The following ASPRV1 variants were observed in gnomAD, a reference collection of about 807,000 sequenced individuals.
The protein encoded by ASPRV1 is retroviral-like aspartic protease 1.
Under a neutral mutation model 11.0 loss-of-function variants are expected in ASPRV1, and 7 were observed. That is an observed-to-expected ratio of 0.64 (90% CI 0.36 to 1.20). The LOEUF (loss-of-function observed/expected upper bound fraction) is 1.20, where lower values mean the gene tolerates loss of function less well. Among genes scored for constraint, ASPRV1 ranks in the 50% most tolerant of loss-of-function variants. ASPRV1 has a pLI of 0.02. For missense variants in ASPRV1, 299 were observed against 320.0 expected (o/e 0.93, Z 0.50); for synonymous variants, 136 against 138.4 (o/e 0.98, Z 0.12).
the ASPRV1 span, among the ~76,000 whole-genome samples, chr2:70,076,597 G>C: frequency 6.6e-6 from 1 of 152,088 alleles, no homozygotes; most frequent in East Asian, 1.9e-4. Context: ...CTCGAATACC[G>C]TAAGTCAAAA....
downstream of ASPRV1, among the ~76,000 whole-genome samples, chr2:69,959,665 C>CA (rs1176649160): frequency 6.6e-6 from 1 of 152,170 alleles, no homozygotes; most frequent in African/African-American, 2.4e-5. Context: ...CACAGGTCAA[C>CA]ACTTGTCTCC....
chr2:70,037,634 A>T, the ASPRV1 span, among the ~76,000 whole-genome samples: 2 of 151,684 alleles, frequency 1.3e-5, no homozygotes, highest in African/African-American at 2.4e-5. Flanking sequence ...TTTTTGTGGT[A>T]TTTTTTTTCC....
the ASPRV1 span, among the ~76,000 whole-genome samples, chr2:70,017,672 A>T: frequency 6.6e-6 from 1 of 152,216 alleles, no homozygotes; most frequent in Non-Finnish European, 1.5e-5. Context: ...ACTGATAAAC[A>T]TATTCAGTAA....
At chr2:69,965,115 T>A (rs1045151588), upstream of ASPRV1, among the ~76,000 whole-genome samples, 12 of 152,214 alleles carry the variant, frequency 7.9e-5, no homozygotes, top group Non-Finnish European at 1.8e-4. Flanking sequence ...TGGCGTGATC[T>A]CGGCTCACTG....
At chr2:69,952,003 T>C in the ASPRV1 span, among the ~76,000 whole-genome samples, 4 of 152,244 alleles carry the variant, frequency 2.6e-5, no homozygotes, top group African/African-American at 9.6e-5. Flanking sequence ...TGCCTTGCTC[T>C]GTTTATAATA....
downstream of ASPRV1, among the ~76,000 whole-genome samples, chr2:69,956,067 T>C (rs1677929518): frequency 6.6e-6 from 1 of 152,122 alleles, no homozygotes; most frequent in South Asian, 2.1e-4. Flanking sequence ...GAACATCTTG[T>C]GCCAGAAAAT....
chr2:70,037,641 T>C, the ASPRV1 span, among the ~76,000 whole-genome samples: 1 of 152,184 alleles, frequency 6.6e-6, no homozygotes, highest in Non-Finnish European at 1.5e-5. Flanking sequence ...GGTATTTTTT[T>C]TCCTATTAAC....
chr2:69,936,231 G>T, the ASPRV1 span, among the ~76,000 whole-genome samples: 19 of 152,234 alleles, frequency 1.2e-4, no homozygotes, highest in African/African-American at 4.3e-4. Context: ...TCCTGTGACA[G>T]GTGGTCCCAT....
At chr2:70,041,712 C>G in the ASPRV1 span, among the ~76,000 whole-genome samples, 1 of 152,128 alleles carries the variant, frequency 6.6e-6, no homozygotes, top group Non-Finnish European at 1.5e-5. Flanking sequence ...TCTGAGAGGT[C>G]CAATCTAGGG....
chr2:70,006,787 G>A, the ASPRV1 span, among the ~76,000 whole-genome samples: 10 of 152,160 alleles, frequency 6.6e-5, no homozygotes, highest in South Asian at 2.1e-4. Context: ...ATCATTTAGC[G>A]CTATTAATGT....
chr2:70,061,565 G>A, the ASPRV1 span, among the ~76,000 whole-genome samples: 2 of 152,158 alleles, frequency 1.3e-5, no homozygotes, highest in Non-Finnish European at 2.9e-5. Context: ...CAGTAGGGAA[G>A]AAGGGGCCTG....
chr2:69,998,447 G>T, the ASPRV1 span, among the ~76,000 whole-genome samples: 1 of 152,142 alleles, frequency 6.6e-6, no homozygotes, highest in African/African-American at 2.4e-5. Context: ...CAACTGTGAA[G>T]AATTCTTTCT....
the ASPRV1 span, among the ~76,000 whole-genome samples, chr2:70,052,136 T>C: frequency 6.6e-6 from 1 of 152,110 alleles, no homozygotes; most frequent in Non-Finnish European, 1.5e-5. Flanking sequence ...GAAAAGTATA[T>C]ATCAGATGAT....
the ASPRV1 span, among the ~76,000 whole-genome samples, chr2:70,079,843 C>CTATTTAATTCAGCTA: frequency 1.3e-5 from 2 of 152,152 alleles, no homozygotes; most frequent in Non-Finnish European, 2.9e-5. Flanking sequence ...CAGAAGGGTT[C>CTATTTAATTCAGCTA]TATTTAATTC....
At chr2:70,056,970 C>T in the ASPRV1 span, among the ~76,000 whole-genome samples, 1 of 152,046 alleles carries the variant, frequency 6.6e-6, no homozygotes, top group African/African-American at 2.4e-5. Context: ...CTCCTGACCT[C>T]AGGTGATCTG....
chr2:70,005,521 TTTATC>T, the ASPRV1 span, among the ~76,000 whole-genome samples: 1 of 152,218 alleles, frequency 6.6e-6, no homozygotes, highest in Non-Finnish European at 1.5e-5. Context: ...ATTAACTTCT[TTTATC>T]TTAATTTGCT....
the ASPRV1 span, among the ~76,000 whole-genome samples, chr2:70,065,697 T>C: frequency 5.3e-5 from 8 of 150,862 alleles, no homozygotes; most frequent in African/African-American, 1.9e-4. Flanking sequence ...TGGTGGCGCA[T>C]GCCTTTAGTC....
At chr2:69,934,586 C>A in the ASPRV1 span, among the ~76,000 whole-genome samples, 4 of 152,204 alleles carry the variant, frequency 2.6e-5, no homozygotes, top group African/African-American at 9.6e-5. Context: ...CTTGCCTTCT[C>A]CCTGCCCAGC....
the ASPRV1 span, among the ~76,000 whole-genome samples, chr2:70,082,394 C>T: frequency 6.6e-6 from 1 of 151,746 alleles, no homozygotes; most frequent in African/African-American, 2.4e-5. Flanking sequence ...CACAGCAAGA[C>T]CTCATCTCTA....
Sources: gnomAD v4.1 joint callset for allele counts (sites outside exome capture counted in the v4.1 genomes callset) on GRCh38, gnomAD v4.1.1 for gene constraint, MANE v1.5 for transcripts, NCBI Gene and HGNC (gene_info 2026-07-23, HGNC 2026-07-21) for gene names.